Variants in WDHD1 observed in about 807,000 individuals in gnomAD.
The protein encoded by WDHD1 is WD repeat and HMG-box DNA binding protein 1, also known as WD repeat and HMG-box DNA-binding protein 1.
WDHD1 carries 111 observed loss-of-function variants against 135.4 expected under a neutral mutation model. The ratio of observed to expected loss-of-function variants is 0.82; its 90% CI spans 0.70 to 0.96. WDHD1 has a LOEUF of 0.96. Among genes scored for constraint, WDHD1 ranks in the 40% least tolerant of loss-of-function variants. The pLI is 0.00. For missense variants in WDHD1, 1,351 were observed against 1,336.3 expected (o/e 1.01, Z -0.17); for synonymous variants, 434 against 439.0 (o/e 0.99, Z 0.14).
chr14:55,013,897 ACT>A (rs1356401844), intron 2 of WDHD1, among the ~76,000 whole-genome samples: 1 of 151,674 alleles, frequency 6.6e-6, no homozygotes, highest in Non-Finnish European at 1.5e-5. Flanking sequence ...ACAGAGCAAG[ACT>A]CTATCTCAAG....
Position 54,945,689 on chromosome 14 carries a change from C to T in WDHD1, c.3051-1219G>A, listed in dbSNP as rs112623682. ...CCAAACAGCTGGGACTACAGGTACG[C>T]GCCACCACACCCAGCTAATTTTTGT... On this transcript the variant is annotated intron_variant, in intron 24 of 25. Coordinates refer to ENST00000360586, the MANE Select transcript of WDHD1 (RefSeq NM_007086.4). Among the ~76,000 whole-genome samples the T allele has an allele frequency of 6.5e-3, 986 of 152,222 alleles. 3 individuals carry two copies. The highest frequency in any genetic ancestry group is 0.011 in the Non-Finnish European group (727 of 68,010).
chr14:54,946,815 G>C (rs1475044689), intron 24 of WDHD1, among the ~76,000 whole-genome samples: 103 of 152,286 alleles, frequency 6.8e-4, no homozygotes, highest in Non-Finnish European at 2.5e-4. Context: ...AAGCCGAGAT[G>C]GGCAAATCGC....
At chr14:54,975,419 C>T (rs2041509711) in intron 16 of WDHD1, among the ~76,000 whole-genome samples, 1 of 151,534 alleles carries the variant, frequency 6.6e-6, no homozygotes, top group African/African-American at 2.4e-5. Flanking sequence ...GCAATCTCGG[C>T]TCACTGCAAC....
intron 9 of WDHD1, 27 bp downstream of exon 9, chr14:55,000,859 A>G: frequency 1.4e-6 from 2 of 1,457,020 alleles, no homozygotes; most frequent in Non-Finnish European, 1.8e-6. Flanking sequence ...TGAGCAAAGA[A>G]GAGACAAAAG....
chr14:54,957,959 T>C (rs951395165), intron 21 of WDHD1, among the ~76,000 whole-genome samples: 3 of 152,198 alleles, frequency 2.0e-5, no homozygotes, highest in Non-Finnish European at 2.9e-5. Flanking sequence ...CATGCCCTCC[T>C]GCTTTGTCAG....
At chr14:54,944,615 AC>A in intron 24 of WDHD1, 145 bp from the exon 25 acceptor site, 68 of 534,536 alleles carry the variant, frequency 1.3e-4, no homozygotes, top group Non-Finnish European at 1.6e-4. Context: ...AATTCATGTT[AC>A]TTTTTTTTTT....
At chr14:55,000,794 T>C in intron 9 of WDHD1, 92 bp downstream of exon 9, 1 of 1,151,992 alleles carries the variant, frequency 8.7e-7, no homozygotes, top group Non-Finnish European at 1.2e-6. Context: ...ATTCTGACAA[T>C]CTGATGGCAA....
chr14:55,009,994 G>C (rs1201811171), intron 4 of WDHD1, among the ~76,000 whole-genome samples: 5 of 76,636 alleles, frequency 6.5e-5, no homozygotes, highest in Admixed American at 3.9e-4. Flanking sequence ...CTAATTTTTT[G>C]TATTAGTAGA....
intron 21 of WDHD1, among the ~76,000 whole-genome samples, chr14:54,959,589 CCT>C (rs1318362376): frequency 2.0e-5 from 3 of 152,088 alleles, no homozygotes. Flanking sequence ...AAAGCAAGCT[CCT>C]CTCTCTACAA....
chr14:55,008,017 C>T (rs942452489), intron 6 of WDHD1, among the ~76,000 whole-genome samples: 2 of 152,180 alleles, frequency 1.3e-5, no homozygotes, highest in Non-Finnish European at 2.9e-5. Flanking sequence ...CAAGGCCCAA[C>T]GCATGGTCAT....
intron 21 of WDHD1, among the ~76,000 whole-genome samples, chr14:54,958,066 C>G (rs928432839): frequency 6.6e-6 from 1 of 151,956 alleles, no homozygotes; most frequent in Non-Finnish European, 1.5e-5. Context: ...AAACAAAAAA[C>G]AAACCTTCTC....
In WDHD1 at chr14:54,989,135, G is replaced by T. The variant is rs766063683; in HGVS notation, c.1419C>A (p.Thr473=). Reference sequence around the variant, plus strand: ...ATAAGTGTGTTGCATGGTGTATGGAGGTATCATGGAACTCCACATCTATGG... The same window carrying T: ...ATAAGTGTGTTGCATGGTGTATGGATGTATCATGGAACTCCACATCTATGG... ...DNAIDVEFHD[T]SIHHATHLSN... is the part of the protein sequence containing the mutation. The change falls in exon 13 of 26, where the codon ACC becomes ACA. Residue 473 remains threonine (T), a synonymous_variant. Transcript: ENST00000360586. 6.2e-7 allele frequency: 1 copy of T among 1,613,380 alleles called. No homozygotes were observed. Among genetic ancestry groups the T allele is most frequent in the South Asian group, 1.1e-5 (1 of 91,042 alleles).
At chr14:54,958,887 A>G (rs957538583) in intron 21 of WDHD1, among the ~76,000 whole-genome samples, 3 of 152,112 alleles carry the variant, frequency 2.0e-5, no homozygotes, top group African/African-American at 7.2e-5. Context: ...AATGATTTTC[A>G]CTTTGTATCT....
intron 25 of WDHD1, among the ~76,000 whole-genome samples, chr14:54,942,125 C>T (rs1319051222): frequency 6.6e-6 from 1 of 151,920 alleles, no homozygotes; most frequent in Non-Finnish European, 1.5e-5. Flanking sequence ...GTAGCGGGCG[C>T]CTGTAGTCCC....
chr14:54,971,109 T>TGTAA (rs2041424119), intron 16 of WDHD1, among the ~76,000 whole-genome samples: 2 of 152,164 alleles, frequency 1.3e-5, no homozygotes, highest in Admixed American at 1.3e-4. Flanking sequence ...AACACTTAAA[T>TGTAA]GTAAGACCTC....
Position 55,000,901 on chromosome 14 carries a change from T to G in WDHD1, c.785A>C (p.Lys262Thr). 1 of 1,579,720 alleles carries G rather than the reference T, an allele frequency of 6.3e-7. No homozygotes were observed. The highest frequency in any genetic ancestry group is 8.6e-7 in the Non-Finnish European group (1 of 1,164,918). ...GLIIVWNVETKDCMERVKHEK... is the reference protein window; with the variant it reads ...GLIIVWNVETTDCMERVKHEK... The stretch of plus-strand genomic sequence containing the variant: ...TAAATCATACCTTTCCATGCAGTCT[T>G]TGGTTTCCACATTCCAAACTATGAT... Residue 262 changes from lysine (K) to threonine (T), a missense_variant, in exon 9 of 26, where the codon AAA (lysine) becomes ACA (threonine). Physicochemically the swap from Lys to Thr is moderately conservative, Grantham distance 78. This residue lies in a region of WDHD1 where 1,330 missense variants were observed against 1,296.1 expected (regional missense o/e 1.03). Transcript: ENST00000360586.
intron 21 of WDHD1, among the ~76,000 whole-genome samples, chr14:54,961,461 C>T (rs760788050): frequency 6.6e-6 from 1 of 152,216 alleles, no homozygotes; most frequent in Non-Finnish European, 1.5e-5. Flanking sequence ...TCACACCACC[C>T]TTTTGCAGCC....
At chr14:54,978,351 T>G (rs1280179661) in intron 16 of WDHD1, among the ~76,000 whole-genome samples, 1 of 152,196 alleles carries the variant, frequency 6.6e-6, no homozygotes, top group Non-Finnish European at 1.5e-5. Context: ...GGAAGGCTGA[T>G]GCAAGAGGAT....
chr14:55,020,605 A>G (rs572189229), intron 2 of WDHD1, among the ~76,000 whole-genome samples: 1 of 152,322 alleles, frequency 6.6e-6, no homozygotes, highest in Admixed American at 6.5e-5. Flanking sequence ...TTATGTTTAT[A>G]AGGACAATTC....
Sources: allele counts gnomAD v4.1 joint callset (sites outside exome capture counted in the v4.1 genomes callset), GRCh38; gene constraint gnomAD v4.1.1; regional missense constraint gnomAD v4.1.1; transcripts MANE v1.5; gene names NCBI Gene and HGNC (gene_info 2026-07-23, HGNC 2026-07-21).